The following HID1 variants were observed in gnomAD, a reference collection of about 807,000 sequenced individuals.
HID1 encodes HID1 domain containing, also known as protein HID1.
Under a neutral mutation model 89.7 loss-of-function variants are expected in HID1, and 42 were observed. The ratio of observed to expected loss-of-function variants is 0.47; its 90% CI spans 0.37 to 0.61. The LOEUF is 0.61. Among genes scored for constraint, HID1 ranks in the 20% least tolerant of loss-of-function variants. HID1 has a pLI of 0.00. For synonymous variants in HID1, 442 were observed against 433.8 expected, an observed-to-expected ratio of 1.02 and a Z score of -0.24; for missense variants, 854 against 1,039.3, an observed-to-expected ratio of 0.82 and a Z score of 2.45.
rs1004690967 is a variant in HID1 at position 74,963,099 on chromosome 17, A to C, written c.388-18T>G. On this transcript the variant is annotated intron_variant, in intron 3 of 18. Transcript: ENST00000425042. ...TCTCCCTGCTGGGGACACAGCACCC[A>C]CAGGCTGCCTCAGTGATAGCTGGCC... 1 of 1,551,854 alleles carries C rather than the reference A, an allele frequency of 6.4e-7. No homozygotes were observed. Among genetic ancestry groups the C allele is most frequent in the African/African-American group, 1.4e-5 (1 of 73,546 alleles).
At position 74,958,671 on chromosome 17, in the gene HID1, A is replaced by G; in HGVS notation, c.1240+2T>C. On this transcript the variant is annotated splice_donor_variant, in intron 10 of 18. Coordinates refer to ENST00000425042, the MANE Select transcript of HID1 (RefSeq NM_030630.3). LOFTEE classifies it high-confidence loss of function. This position sits in a 1 kb window ranked among gnomAD's most constrained non-coding sequence, Gnocchi z 5.2. ...AGCATCCCACCCCCACCCTGGTCTT[A>G]CACTGATCGGCCCGGGCATCGTTGA... is the stretch of plus-strand genomic sequence containing the variant. The G allele has an allele frequency of 4.2e-6, 4 of 944,512 alleles. No individual in the cohort carries two copies. Among genetic ancestry groups the G allele is most frequent in the Non-Finnish European group, 6.4e-6 (4 of 624,096 alleles). 58.5% of individuals were successfully genotyped at this position (944,512 alleles called of 1,614,324 possible). A position where few individuals can be genotyped will look rare whatever the true frequency, so the allele number is the denominator to read the frequency against.
At chr17:74,961,827 C>CTGGA in intron 6 of HID1, 46 bp downstream of exon 6, 1 of 1,248,850 alleles carries the variant, frequency 8.0e-7, no homozygotes, top group Non-Finnish European at 1.1e-6. Flanking sequence ...TCTGGATTGC[C>CTGGA]TGGAATAAGA....
intron 14 of HID1, 144 bp downstream of exon 14, chr17:74,953,994 C>T: frequency 1.2e-6 from 1 of 815,234 alleles, no homozygotes; most frequent in Non-Finnish European, 2.0e-6. Flanking sequence ...TACCCTCCCC[C>T]CATCCCTGTT....
Position 74,960,017 on chromosome 17 carries a change from C to T in HID1, c.951+9G>A, listed in dbSNP as rs765166615. 3.1e-6 allele frequency: 5 copies of T among 1,613,302 alleles called. No homozygotes were observed. The South Asian group carries it at 3.3e-5, about 11-fold the overall frequency. Reference sequence around the variant, plus strand: ...CCGGCAGCTGTCCCTTCCATGCTCCCATCCTTACATCGGCATCATCCATGG... The same window carrying T: ...CCGGCAGCTGTCCCTTCCATGCTCCTATCCTTACATCGGCATCATCCATGG... On this transcript the variant is annotated intron_variant, in intron 7 of 18. Transcript: ENST00000425042.
chr17:74,957,891 T>C (rs1053366482), intron 12 of HID1: 12 of 485,190 alleles, frequency 2.5e-5, no homozygotes, highest in Non-Finnish European at 4.5e-5. Context: ...CAAGACTGAG[T>C]GTGAGAAGGG....
At chr17:74,951,879 A>G in intron 18 of HID1, 26 bp downstream of exon 18, 1 of 1,489,636 alleles carries the variant, frequency 6.7e-7, no homozygotes, top group East Asian at 2.4e-5. Context: ...TCTCAGGTGG[A>G]CACCACCCCA....
intron 3 of HID1, chr17:74,963,406 G>T: frequency 2.1e-6 from 1 of 484,568 alleles, no homozygotes; most frequent in Non-Finnish European, 3.7e-6. Context: ...TAAACCCAGG[G>T]CAGGTGGTGT....
Position 74,951,449 on chromosome 17 carries a change from G to T in HID1, c.*121C>A. 1.0e-6 allele frequency: 1 copy of T among 954,910 alleles called. No homozygotes were observed. The highest frequency in any genetic ancestry group is 1.5e-5 in the South Asian group (1 of 67,872). The allele number at this position is 954,910 out of a possible 1,614,324, so 59.2% of individuals were successfully genotyped here. On this transcript the variant is annotated 3_prime_UTR_variant, in exon 19 of 19. Coordinates refer to ENST00000425042, the MANE Select transcript of HID1 (RefSeq NM_030630.3). ...GGGTCTCTAGGGCATGACACTCAGG[G>T]CCACTCTGCCTGTTCCAGGCCCTGA...
chr17:74,959,098 A>C lies in HID1; in HGVS notation c.1009-47T>G. The C allele has an allele frequency of 6.7e-7, 1 of 1,490,958 alleles. No homozygotes were observed. The highest frequency in any genetic ancestry group is 8.9e-7 in the Non-Finnish European group (1 of 1,124,702). The allele number at this position is 1,490,958 out of a possible 1,614,324, so 92.4% of individuals were successfully genotyped here. On this transcript the variant is annotated intron_variant, in intron 8 of 18. Transcript: ENST00000425042. This position sits in a 1 kb window ranked among gnomAD's most constrained non-coding sequence, Gnocchi z 4.6. The stretch of plus-strand genomic sequence containing the variant: ...GGGGCCTGTCCAGCCCAATCCCTGC[A>C]GCTCCAGTTTCCCAGCCCAGGCCCC...
At chr17:74,951,676 G>C in intron 18 of HID1, 43 bp from the exon 19 acceptor site, 1 of 1,572,330 alleles carries the variant, frequency 6.4e-7, no homozygotes, top group Non-Finnish European at 8.7e-7. Flanking sequence ...GGGGCACCTT[G>C]CAGACAAGGC....
At position 74,962,799 on chromosome 17, in the gene HID1, T is replaced by C. The variant is rs1183323697; in HGVS notation, c.504+166A>G. ...CAGGGCCAGCCCCAGCTGGCTTCCC[T>C]CAGCTGTACCAGCTGCCACCCAGGC... On this transcript the variant is annotated intron_variant, in intron 4 of 18. Transcript: ENST00000425042. This position sits in a 1 kb window ranked among gnomAD's most constrained non-coding sequence, Gnocchi z 4.3. Among the ~76,000 whole-genome samples, 1 of 152,164 alleles carries C rather than the reference T, an allele frequency of 6.6e-6. No individual in the cohort carries two copies. Among genetic ancestry groups the C allele is most frequent in the East Asian group, 1.9e-4 (1 of 5,184 alleles).
In HID1 at chr17:74,972,371, G is replaced by A. The variant is rs1220314350; in HGVS notation, c.66+220C>T. On this transcript the variant is annotated intron_variant, in intron 1 of 18. Coordinates refer to ENST00000425042, the MANE Select transcript of HID1 (RefSeq NM_030630.3). This position sits in a 1 kb window ranked among gnomAD's most constrained non-coding sequence, Gnocchi z 6.4. ...GGTGGCAGCAGCGGCTTCGGGGAGA[G>A]GGGTGTTCCCAGGAGAGGAGGCTGA... Among the ~76,000 whole-genome samples, 1 of 152,204 alleles carries A rather than the reference G, an allele frequency of 6.6e-6. No homozygotes were observed. The highest frequency in any genetic ancestry group is 1.5e-5 in the Non-Finnish European group (1 of 68,014).
chr17:74,971,783 G>A (rs917354985), intron 1 of HID1, among the ~76,000 whole-genome samples: 8 of 152,212 alleles, frequency 5.3e-5, no homozygotes, highest in Admixed American at 2.0e-4. Context: ...GGTGGCTATT[G>A]GGCCACTTGT....
intron 18 of HID1, 87 bp downstream of exon 18, chr17:74,951,818 T>C (rs1189933107): frequency 7.1e-7 from 1 of 1,408,956 alleles, no homozygotes; most frequent in African/African-American, 1.4e-5. Context: ...AAGTCCACCA[T>C]AGGTGGTGGG....
intron 17 of HID1, 51 bp from the exon 18 acceptor site, chr17:74,952,114 G>A (rs753283530): frequency 3.9e-6 from 6 of 1,539,640 alleles, no homozygotes; most frequent in East Asian, 4.8e-5. Context: ...AGGGGAGCAC[G>A]GGGCTCACCC....
intron 13 of HID1, 160 bp from the exon 14 acceptor site, chr17:74,954,525 G>C: frequency 8.0e-7 from 1 of 1,245,306 alleles, no homozygotes. Context: ...GCTGGGGCAG[G>C]GCTGGCACTG....
intron 1 of HID1, among the ~76,000 whole-genome samples, chr17:74,965,646 C>T (rs1369544645): frequency 6.6e-6 from 1 of 152,202 alleles, no homozygotes; most frequent in East Asian, 1.9e-4. Context: ...CAGCCAGGCA[C>T]AGTGGCTCAT....
At chr17:74,968,225 G>A (rs776260667) in intron 1 of HID1, among the ~76,000 whole-genome samples, 20 of 130,126 alleles carry the variant, frequency 1.5e-4, no homozygotes, top group Non-Finnish European at 2.7e-4. Flanking sequence ...CCCACCCTGC[G>A]TTGTTCCTGC....
At position 74,962,161 on chromosome 17, in the gene HID1, G is replaced by A. The variant is rs1598627767; in HGVS notation, c.611+73C>T. The A allele has an allele frequency of 6.8e-6, 9 of 1,330,074 alleles. No individual in the cohort carries two copies. The East Asian group carries it at 1.7e-4, about 24-fold the overall frequency. 82.4% of individuals were successfully genotyped at this position (1,330,074 alleles called of 1,614,324 possible). A position where few individuals can be genotyped will look rare whatever the true frequency, so the allele number is the denominator to read the frequency against. On this transcript the variant is annotated intron_variant, in intron 5 of 18. Transcript: ENST00000425042. This position sits in a 1 kb window ranked among gnomAD's most constrained non-coding sequence, Gnocchi z 4.3. ...ACGGTCTTCTGGGAAGACCCCATGG[G>A]CTTTCTGAGCTGTGCGGGGGCCCGG...
Sources: gnomAD v4.1 joint callset for allele counts (sites outside exome capture counted in the v4.1 genomes callset) on GRCh38, gnomAD v4.1.1 for gene constraint, Gnocchi (gnomAD v3.1) non-coding constraint, MANE v1.5 for transcripts, NCBI Gene and HGNC (gene_info 2026-07-23, HGNC 2026-07-21) for gene names.